POU6F2: variants seen among roughly 807,000 people sequenced by gnomAD.
POU6F2 encodes the protein POU class 6 homeobox 2, also known as POU domain, class 6, transcription factor 2.
Under a neutral mutation model 71.3 loss-of-function variants are expected in POU6F2, and 31 were observed. The observed-to-expected ratio is 0.43, with a 90% confidence interval of 0.33 to 0.59. POU6F2 has a LOEUF of 0.59. Ranked by LOEUF, POU6F2 falls within the 20% of genes least tolerant of loss-of-function variation. The pLI, the probability that POU6F2 is intolerant of heterozygous loss-of-function variation, is 0.04. For synonymous variants in POU6F2, 347 were observed against 355.7 expected, an observed-to-expected ratio of 0.98 and a Z score of 0.27; for missense variants, 783 against 856.8, an observed-to-expected ratio of 0.91 and a Z score of 1.07.
At chr7:39,206,600 CT>C (rs1241626560) in intron 3 of POU6F2, among the ~76,000 whole-genome samples, 1 of 152,092 alleles carries the variant, frequency 6.6e-6, no homozygotes, top group Non-Finnish European at 1.5e-5. Flanking sequence ...ATCCAGCTTA[CT>C]TTCTATTTTA....
intron 2 of POU6F2, among the ~76,000 whole-genome samples, chr7:39,088,669 A>G (rs372035066): frequency 6.6e-6 from 1 of 152,232 alleles, no homozygotes; most frequent in East Asian, 1.9e-4. Context: ...AGATGGCCAG[A>G]TTATGACAAA....
intron 7 of POU6F2, among the ~76,000 whole-genome samples, chr7:39,440,871 CTTG>C (rs201369280): frequency 5.3e-5 from 8 of 151,804 alleles, no homozygotes; most frequent in South Asian, 2.1e-4. Flanking sequence ...TTTGTGAGGG[CTTG>C]TTGTTGTTGT....
At chr7:39,154,468 G>A (rs1305677150) in intron 2 of POU6F2, among the ~76,000 whole-genome samples, 1 of 152,186 alleles carries the variant, frequency 6.6e-6, no homozygotes, top group Non-Finnish European at 1.5e-5. Context: ...ACTGTTATGT[G>A]CTCATGTGTC....
At chr7:39,161,691 C>T (rs567406048) in intron 2 of POU6F2, among the ~76,000 whole-genome samples, 3 of 152,242 alleles carry the variant, frequency 2.0e-5, no homozygotes, top group Non-Finnish European at 4.4e-5. Flanking sequence ...GTGACAGGCA[C>T]CTTGTCTCCC....
chr7:39,092,364 G>T (rs1791376746), intron 2 of POU6F2, among the ~76,000 whole-genome samples: 1 of 152,076 alleles, frequency 6.6e-6, no homozygotes, highest in Non-Finnish European at 1.5e-5. Flanking sequence ...CTTAGCTGGT[G>T]TTTTTGTTCA....
At chr7:39,080,801 G>A (rs934955416) in intron 1 of POU6F2, among the ~76,000 whole-genome samples, 12 of 152,146 alleles carry the variant, frequency 7.9e-5, no homozygotes, top group African/African-American at 2.7e-4. Flanking sequence ...CACTGGACAC[G>A]GATGCTTTGC....
At chr7:39,236,341 A>G (rs1337156184) in intron 4 of POU6F2, among the ~76,000 whole-genome samples, 1 of 152,204 alleles carries the variant, frequency 6.6e-6, no homozygotes, top group African/African-American at 2.4e-5. Context: ...TATACATTTC[A>G]GTACCTGTCA....
chr7:39,120,293 C>CA (rs1792013958), intron 2 of POU6F2, among the ~76,000 whole-genome samples: 1 of 152,128 alleles, frequency 6.6e-6, no homozygotes, highest in South Asian at 2.1e-4. Context: ...TGTGAGCCAC[C>CA]ATGTCCAGCC....
At chr7:39,064,387 A>G (rs1451797487) in intron 1 of POU6F2, among the ~76,000 whole-genome samples, 2 of 151,976 alleles carry the variant, frequency 1.3e-5, no homozygotes, top group Non-Finnish European at 1.5e-5. Context: ...TGTATTTAAA[A>G]TAGTAGTTAC....
chr7:39,359,681 T>C (rs1476217464), intron 5 of POU6F2, among the ~76,000 whole-genome samples: 1 of 152,098 alleles, frequency 6.6e-6, no homozygotes, highest in Non-Finnish European at 1.5e-5. Context: ...CAGGGAGCTG[T>C]CAAATGCACT....
intron 5 of POU6F2, among the ~76,000 whole-genome samples, chr7:39,385,523 C>G (rs747465310): frequency 1.2e-4 from 18 of 152,134 alleles, no homozygotes; most frequent in Non-Finnish European, 2.5e-4. Flanking sequence ...TCAGAGTGGT[C>G]AGAGCATTAA....
chr7:39,260,731 C>A (rs1784120621), intron 4 of POU6F2, among the ~76,000 whole-genome samples: 1 of 151,882 alleles, frequency 6.6e-6, no homozygotes, highest in African/African-American at 2.4e-5. Flanking sequence ...TACTACACCA[C>A]CTGCACACAA....
intron 2 of POU6F2, among the ~76,000 whole-genome samples, chr7:39,174,158 A>C (rs1277499202): frequency 6.6e-6 from 1 of 152,222 alleles, no homozygotes; most frequent in East Asian, 1.9e-4. Context: ...TTCTTTAAGC[A>C]GGAAGACACC....
intron 1 of POU6F2, among the ~76,000 whole-genome samples, chr7:38,978,350 A>G (rs1788232085): frequency 6.6e-6 from 1 of 152,180 alleles, no homozygotes; most frequent in African/African-American, 2.4e-5. Context: ...TATTTTAGAA[A>G]TTTGCTTTCT....
intron 4 of POU6F2, among the ~76,000 whole-genome samples, chr7:39,339,428 T>C (rs750511311): frequency 5.3e-5 from 8 of 152,214 alleles, no homozygotes; most frequent in Admixed American, 1.3e-4. Flanking sequence ...TGATGTGTTA[T>C]ATGCTGGTCC....
At chr7:39,062,285 T>G (rs1477868743) in intron 1 of POU6F2, among the ~76,000 whole-genome samples, 1 of 152,118 alleles carries the variant, frequency 6.6e-6, no homozygotes, top group African/African-American at 2.4e-5. Context: ...AAAATAATTT[T>G]TATCCTGCAG....
chr7:39,316,180 A>G (rs1246628853), intron 4 of POU6F2, among the ~76,000 whole-genome samples: 1 of 152,212 alleles, frequency 6.6e-6, no homozygotes, highest in Non-Finnish European at 1.5e-5. Context: ...AGGGTTCAAT[A>G]TTCAACTTGC....
chr7:39,073,522 C>T (rs10229927), intron 1 of POU6F2, among the ~76,000 whole-genome samples: 1 of 152,124 alleles, frequency 6.6e-6, no homozygotes, highest in African/African-American at 2.4e-5. Context: ...CTCTGCTCGT[C>T]TTAAAAGCTC....
At chr7:39,348,813 A>G (rs1786080286) in intron 5 of POU6F2, among the ~76,000 whole-genome samples, 1 of 152,256 alleles carries the variant, frequency 6.6e-6, no homozygotes, top group Admixed American at 6.5e-5. Flanking sequence ...GGTAGATAGA[A>G]GTGCTGCATG....
Sources: gnomAD v4.1 joint callset for allele counts (sites outside exome capture counted in the v4.1 genomes callset) on GRCh38, gnomAD v4.1.1 for gene constraint, MANE v1.5 for transcripts, NCBI Gene and HGNC (gene_info 2026-07-23, HGNC 2026-07-21) for gene names.